GOLGA5: variants seen among roughly 807,000 people sequenced by gnomAD.
GOLGA5 encodes golgin A5.
GOLGA5 carries 50 observed loss-of-function variants against 93.5 expected under a neutral mutation model. The ratio of observed to expected loss-of-function variants is 0.53; its 90% CI spans 0.43 to 0.68. The LOEUF (loss-of-function observed/expected upper bound fraction) is 0.68. Ranked by LOEUF, GOLGA5 falls within the 30% of genes least tolerant of loss-of-function variation. The pLI, the probability that GOLGA5 is intolerant of heterozygous loss-of-function variation, is 0.00. For missense variants in GOLGA5, 760 were observed against 856.4 expected, an observed-to-expected ratio of 0.89 and a Z score of 1.40; for synonymous variants, 312 against 304.5, an observed-to-expected ratio of 1.02 and a Z score of -0.26.
intron 2 of GOLGA5, among the ~76,000 whole-genome samples, chr14:92,803,271 A>AG (rs1480715082): frequency 2.6e-5 from 4 of 152,208 alleles, no homozygotes; most frequent in Non-Finnish European, 5.9e-5. Flanking sequence ...CCTGAGCTGA[A>AG]GGGATCCTCC....
At chr14:92,832,099 G>C (rs1366940508) in intron 9 of GOLGA5, among the ~76,000 whole-genome samples, 1 of 152,198 alleles carries the variant, frequency 6.6e-6, no homozygotes, top group Non-Finnish European at 1.5e-5. Flanking sequence ...CGTTATCGGA[G>C]TGACTGATAA....
Position 92,799,589 on chromosome 14 carries a change from T to A in GOLGA5, c.544+1608T>A, listed in dbSNP as rs182865796. ...GTGAGCCACTGTGCCTGGCCTTTTT[T>A]AATGTTTTTATTTATTTATTTATTT... On this transcript the variant is annotated intron_variant, in intron 2 of 12. Transcript: ENST00000163416. Among the ~76,000 whole-genome samples the A allele has an allele frequency of 2.9e-4, 44 of 151,006 alleles. 1 individual carries two copies. In the East Asian group the frequency reaches 6.4e-3, roughly 22 times the overall value.
chr14:92,804,065 A>G (rs2140314728), intron 2 of GOLGA5, among the ~76,000 whole-genome samples: 1 of 152,178 alleles, frequency 6.6e-6, no homozygotes, highest in East Asian at 1.9e-4. Flanking sequence ...CTGTTTTTAT[A>G]GTTTTTAAGA....
chr14:92,811,834 G>A, intron 6 of GOLGA5, 80 bp downstream of exon 6: 2 of 996,220 alleles, frequency 2.0e-6, no homozygotes, highest in South Asian at 1.3e-5. Context: ...TAGATACTGT[G>A]TGAGGTGCTT....
At chr14:92,833,032 AC>A (rs1314835659) in intron 9 of GOLGA5, 89 bp from the exon 10 acceptor site, 2 of 770,650 alleles carry the variant, frequency 2.6e-6, no homozygotes, top group African/African-American at 3.4e-5. Context: ...AATGAATGCC[AC>A]AATTTACCTA....
chr14:92,817,762 G>A (rs1885239988), intron 7 of GOLGA5, among the ~76,000 whole-genome samples: 2 of 152,200 alleles, frequency 1.3e-5, no homozygotes, highest in South Asian at 4.1e-4. Flanking sequence ...CTTGTCTAGA[G>A]CATAGACTTG....
chr14:92,816,103 T>C, intron 6 of GOLGA5, 148 bp from the exon 7 acceptor site: 1 of 601,804 alleles, frequency 1.7e-6, no homozygotes, highest in Non-Finnish European at 2.9e-6. Flanking sequence ...TTGTGTTTTT[T>C]ATCCTTAGGG....
At chr14:92,829,717 A>G (rs1885489608) in intron 9 of GOLGA5, among the ~76,000 whole-genome samples, 1 of 152,224 alleles carries the variant, frequency 6.6e-6, no homozygotes, top group African/African-American at 2.4e-5. Flanking sequence ...AGAATACTAC[A>G]TTAACTTAGT....
intron 7 of GOLGA5, among the ~76,000 whole-genome samples, chr14:92,817,390 A>C (rs1379349590): frequency 2.0e-5 from 3 of 152,220 alleles, no homozygotes; most frequent in Non-Finnish European, 4.4e-5. Context: ...TCTAGTGGTT[A>C]AAAGCAAATC....
Position 92,825,025 on chromosome 14 carries a change from C to T in GOLGA5, c.1719+381C>T, listed in dbSNP as rs1005223581. Among the ~76,000 whole-genome samples, 4 of 152,200 alleles carry T rather than the reference C, an allele frequency of 2.6e-5. No individual in the cohort carries two copies. The East Asian group carries it at 7.7e-4, about 29-fold the overall frequency. ...GATTGATCAGTCTTCCATAAAGTCACCAAGATATTTTTTTAACCGTGAAAA... is the reference window on the plus strand; with the variant it reads ...GATTGATCAGTCTTCCATAAAGTCATCAAGATATTTTTTTAACCGTGAAAA... On this transcript the variant is annotated intron_variant, in intron 9 of 12. Coordinates refer to ENST00000163416, the MANE Select transcript of GOLGA5 (RefSeq NM_005113.4).
chr14:92,839,471 T>C lies in GOLGA5; in HGVS notation c.*25T>C. On this transcript the variant is annotated 3_prime_UTR_variant, in exon 13 of 13. Transcript: ENST00000163416. ...AACCAAGCCCAGTTGTTGCAGTGAT[T>C]GGTTGTCTTTTTCTAGACTTGGGAT... 6.6e-7 allele frequency: 1 copy of C among 1,526,422 alleles called. No individual in the cohort carries two copies. The highest frequency in any genetic ancestry group is 1.4e-5 in the African/African-American group (1 of 73,534). 94.6% of individuals were successfully genotyped at this position (1,526,422 alleles called of 1,614,324 possible).
Position 92,806,936 on chromosome 14 carries a change from C to A in GOLGA5, c.745C>A (p.Leu249Ile). Reference sequence around the variant, plus strand: ...TTTAAATCAAGAAATGGCCTCGTTACTCCAAAGATCCAAAGAGACTCAAGA... The same window carrying A: ...TTTAAATCAAGAAATGGCCTCGTTAATCCAAAGATCCAAAGAGACTCAAGA... ...QSLNQEMASL[L>I]QRSKETQEEL... Residue 249 changes from leucine to isoleucine, a missense_variant, in exon 3 of 13, where the codon CTC (leucine) becomes ATC (isoleucine). By Grantham distance (5) the Leu-to-Ile change is conservative. Transcript: ENST00000163416. 1 of 1,605,546 alleles carries A rather than the reference C, an allele frequency of 6.2e-7. No individual in the cohort carries two copies. The highest frequency in any genetic ancestry group is 8.5e-7 in the Non-Finnish European group (1 of 1,172,162).
At position 92,806,881 on chromosome 14, in the gene GOLGA5, G is replaced by C. The variant is rs934968392; in HGVS notation, c.690G>C (p.Glu230Asp). ...KSHELSNLRLENQLLRNEVQS... is the reference protein window; with the variant it reads ...KSHELSNLRLDNQLLRNEVQS... ...ATGAACTGTCTAACCTTCGACTGGA[G>C]AATCAGCTGCTGAGGAATGAAGTTC... Residue 230 changes from glutamate to aspartate, a missense_variant, in exon 3 of 13, where the codon GAG becomes GAC. Transcript: ENST00000163416. The C allele has an allele frequency of 6.2e-7, 1 of 1,613,924 alleles. No homozygotes were observed. Among genetic ancestry groups the C allele is most frequent in the Non-Finnish European group, 8.5e-7 (1 of 1,179,816 alleles).
Position 92,825,866 on chromosome 14 carries a change from AG to A in GOLGA5, c.1719+1223del, listed in dbSNP as rs67816339. On this transcript the variant is annotated intron_variant, in intron 9 of 12. Coordinates refer to ENST00000163416, the MANE Select transcript of GOLGA5 (RefSeq NM_005113.4). Reference sequence around the variant, plus strand: ...GTGAGACCCTGTCTCAAAAAAAAAAAGAAAAAACAACCATAGGGTGGCTTAT... The same window carrying A: ...GTGAGACCCTGTCTCAAAAAAAAAAAAAAAAACAACCATAGGGTGGCTTAT... Among the ~76,000 whole-genome samples the A allele has an allele frequency of 2.3e-4, 34 of 148,220 alleles. 8 individuals carry two copies. Among genetic ancestry groups the A allele is most frequent in the Admixed American group, 4.0e-4 (6 of 14,930 alleles).
At chr14:92,822,680 G>A (rs1234132000) in intron 8 of GOLGA5, among the ~76,000 whole-genome samples, 3 of 152,074 alleles carry the variant, frequency 2.0e-5, no homozygotes, top group African/African-American at 7.2e-5. Context: ...TTTTTGAGAC[G>A]GAGTGTCGCT....
At chr14:92,829,203 T>G (rs1885479286) in intron 9 of GOLGA5, among the ~76,000 whole-genome samples, 2 of 152,134 alleles carry the variant, frequency 1.3e-5, no homozygotes, top group East Asian at 3.9e-4. Context: ...GCTCAAGTAA[T>G]CCTCCCCTCT....
intron 6 of GOLGA5, among the ~76,000 whole-genome samples, chr14:92,812,775 GTT>G (rs1317665013): frequency 6.6e-6 from 1 of 152,054 alleles, no homozygotes; most frequent in Non-Finnish European, 1.5e-5. Context: ...TTCTACTGCT[GTT>G]TCTGTCTCTC....
intron 12 of GOLGA5, 57 bp from the exon 13 acceptor site, chr14:92,839,309 G>T: frequency 9.4e-7 from 1 of 1,067,768 alleles, no homozygotes; most frequent in Admixed American, 1.7e-5. Context: ...TGTACAGTGG[G>T]CCTTTGGTAA....
intron 9 of GOLGA5, among the ~76,000 whole-genome samples, chr14:92,828,083 T>C (rs1468318151): frequency 6.6e-6 from 1 of 152,236 alleles, no homozygotes; most frequent in African/African-American, 2.4e-5. Context: ...GAGATCTAGC[T>C]AAGATCATTG....
Sources: gnomAD v4.1 joint callset for allele counts (sites outside exome capture counted in the v4.1 genomes callset) on GRCh38, gnomAD v4.1.1 for gene constraint, MANE v1.5 for transcripts, NCBI Gene and HGNC (gene_info 2026-07-23, HGNC 2026-07-21) for gene names.